Variants in TRPM3 observed in about 807,000 individuals in gnomAD.
TRPM3 encodes transient receptor potential cation channel subfamily M member 3.
In TRPM3, 77 loss-of-function variants were observed where a neutral mutation model predicts 181.2. The ratio of observed to expected loss-of-function variants is 0.42; its 90% confidence interval spans 0.35 to 0.51. TRPM3 has a LOEUF of 0.51. Ranked by LOEUF, TRPM3 falls within the 20% of genes least tolerant of loss-of-function variation. The probability of loss-of-function intolerance (pLI) is 0.01; values close to 1 mark genes in which losing one functional copy is unlikely to be tolerated. For missense variants in TRPM3, 1,759 were observed against 2,196.7 expected, an observed-to-expected ratio of 0.80 and a Z score of 3.98; for synonymous variants, 745 against 796.4, an observed-to-expected ratio of 0.94 and a Z score of 1.09.
rs1429793942 is a variant in TRPM3 at position 70,635,342 on chromosome 9, G to C, written c.1582-81C>G. On this transcript the variant is annotated intron_variant, in intron 11 of 25. Coordinates refer to ENST00000677713, the MANE Select transcript of TRPM3 (RefSeq NM_001366145.2). The stretch of plus-strand genomic sequence containing the variant: ...AAGACAAGAAGGATCTAGAAGGAAG[G>C]GTGCTGGCTGGTGGAGGGCAGTTCA... 3 of 1,215,650 alleles carry C rather than the reference G, an allele frequency of 2.5e-6. No individual in the cohort carries two copies. The African/African-American group carries it at 4.5e-5, about 18-fold the overall frequency. 75.3% of individuals were successfully genotyped at this position (1,215,650 alleles called of 1,614,324 possible).
intron 1 of TRPM3, among the ~76,000 whole-genome samples, chr9:70,945,634 C>T (rs1261932868): frequency 2.6e-5 from 4 of 152,102 alleles, no homozygotes; most frequent in Non-Finnish European, 5.9e-5. Context: ...CATGAGATTC[C>T]CTTCTTTGGA....
chr9:71,202,043 T>C (rs940671283), intron 1 of TRPM3, among the ~76,000 whole-genome samples: 1 of 152,230 alleles, frequency 6.6e-6, no homozygotes, highest in African/African-American at 2.4e-5. Flanking sequence ...GTTTTCCTTC[T>C]AACAGACAGG....
chr9:70,584,873 T>C (rs2056780404), intron 22 of TRPM3, among the ~76,000 whole-genome samples: 1 of 152,220 alleles, frequency 6.6e-6, no homozygotes, highest in South Asian at 2.1e-4. Flanking sequence ...GCCTCAATCT[T>C]GGATTAATCC....
intron 5 of TRPM3, among the ~76,000 whole-genome samples, chr9:70,841,729 T>C (rs541937831): frequency 1.4e-5 from 2 of 147,672 alleles, no homozygotes; most frequent in Admixed American, 6.8e-5. Context: ...CATATATATA[T>C]ATATATGGTG....
intron 1 of TRPM3, among the ~76,000 whole-genome samples, chr9:70,948,339 C>T (rs1232632878): frequency 2.0e-5 from 3 of 152,004 alleles, no homozygotes; most frequent in African/African-American, 7.3e-5. Context: ...TTGTGAGTCA[C>T]CTATGTCAAT....
intron 12 of TRPM3, 106 bp downstream of exon 12, chr9:70,635,105 G>T (rs2056935830): frequency 5.5e-6 from 5 of 913,618 alleles, no homozygotes; most frequent in Non-Finnish European, 6.9e-6. Context: ...AGTGGCGCCT[G>T]ATAGGGACAG....
chr9:71,444,177 C>CAAAAAAAAAAA (rs34011806), intron 1 of TRPM3, among the ~76,000 whole-genome samples: 1 of 112,940 alleles, frequency 8.9e-6, no homozygotes. Flanking sequence ...GAATACATCT[C>CAAAAAAAAAAA]AAAAAAAAAA....
At chr9:71,233,675 T>G (rs1273858197) in intron 1 of TRPM3, among the ~76,000 whole-genome samples, 1 of 152,238 alleles carries the variant, frequency 6.6e-6, no homozygotes, top group African/African-American at 2.4e-5. Context: ...AAAATGTGTT[T>G]GAAATCATAG....
At chr9:71,408,440 A>G (rs192563237) in intron 1 of TRPM3, among the ~76,000 whole-genome samples, 142 of 152,370 alleles carry the variant, frequency 9.3e-4, no homozygotes, top group Non-Finnish European at 1.9e-3. Context: ...CCATGGCACG[A>G]GAACTACGTG....
At chr9:71,247,168 A>G (rs1190911344) in intron 1 of TRPM3, among the ~76,000 whole-genome samples, 2 of 152,100 alleles carry the variant, frequency 1.3e-5, no homozygotes, top group African/African-American at 4.8e-5. Flanking sequence ...AGCCTGACCA[A>G]CATGGTGAAA....
intron 1 of TRPM3, among the ~76,000 whole-genome samples, chr9:71,098,482 G>A (rs1447652433): frequency 3.3e-5 from 5 of 152,076 alleles, no homozygotes; most frequent in African/African-American, 1.2e-4. Flanking sequence ...CAGCTGAGTC[G>A]CAATTTATAC....
chr9:70,535,733 G>A lies in TRPM3; in HGVS notation c.*220C>T. The A allele has an allele frequency of 1.4e-6, 2 of 1,443,072 alleles. No individual in the cohort carries two copies. Among genetic ancestry groups the A allele is most frequent in the Non-Finnish European group, 1.8e-6 (2 of 1,105,514 alleles). 89.4% of individuals were successfully genotyped at this position (1,443,072 alleles called of 1,614,324 possible). On this transcript the variant is annotated 3_prime_UTR_variant, in exon 26 of 26. Coordinates refer to ENST00000677713, the MANE Select transcript of TRPM3 (RefSeq NM_001366145.2). ...TTCCCCCTCCCTGCCCAGCAAGTGT[G>A]AACATGCCTTAAATCCCCTGTGTCT...
chr9:70,823,707 T>A (rs544197595), intron 6 of TRPM3, among the ~76,000 whole-genome samples: 1 of 152,346 alleles, frequency 6.6e-6, no homozygotes, highest in African/African-American at 2.4e-5. Flanking sequence ...TGATGTAAGC[T>A]CAATGAATTG....
chr9:70,877,992 ACT>A (rs1174900370), intron 1 of TRPM3, among the ~76,000 whole-genome samples: 1 of 151,874 alleles, frequency 6.6e-6, no homozygotes, highest in Non-Finnish European at 1.5e-5. Context: ...TTTTCTCTTT[ACT>A]TTTTTGAATG....
At chr9:71,153,295 T>C (rs2075827724) in intron 1 of TRPM3, among the ~76,000 whole-genome samples, 1 of 151,520 alleles carries the variant, frequency 6.6e-6, no homozygotes, top group South Asian at 2.1e-4. Context: ...CCATTAATTT[T>C]TTTTTTTTTT....
intron 7 of TRPM3, among the ~76,000 whole-genome samples, chr9:70,777,923 A>G (rs79783775): frequency 6.6e-6 from 1 of 152,114 alleles, no homozygotes; most frequent in African/African-American, 2.4e-5. Flanking sequence ...ATTAATATAT[A>G]TACTTATGTA....
chr9:70,954,231 G>A (rs2133735622), intron 1 of TRPM3, among the ~76,000 whole-genome samples: 1 of 152,206 alleles, frequency 6.6e-6, no homozygotes, highest in African/African-American at 2.4e-5. Context: ...CCCTGTTCAG[G>A]ACAATAAAAC....
chr9:70,543,131 C>A (rs948546836), intron 25 of TRPM3, among the ~76,000 whole-genome samples: 1 of 152,138 alleles, frequency 6.6e-6, no homozygotes, highest in Non-Finnish European at 1.5e-5. Flanking sequence ...TTTTATATAT[C>A]CTAAGTCATT....
chr9:70,674,660 A>G (rs1047092979), intron 9 of TRPM3, among the ~76,000 whole-genome samples: 1 of 151,854 alleles, frequency 6.6e-6, no homozygotes. Context: ...CCTGGGCTCA[A>G]GCAATCCTCT....
Sources: allele counts gnomAD v4.1 joint callset (sites outside exome capture counted in the v4.1 genomes callset), GRCh38; gene constraint gnomAD v4.1.1; transcripts MANE v1.5; gene names NCBI Gene and HGNC (gene_info 2026-07-23, HGNC 2026-07-21).